The following CBLIF variants were observed in gnomAD, a reference collection of about 807,000 sequenced individuals.
CBLIF encodes the protein cobalamin binding intrinsic factor, also known as gastric intrinsic factor (vitamin B synthesis).
A neutral mutation model predicts 44.9 loss-of-function variants in CBLIF; 24 were observed. The observed-to-expected ratio is 0.53, with a 90% confidence interval of 0.39 to 0.75. CBLIF has a LOEUF of 0.75. Ranked by LOEUF, CBLIF falls within the 30% of genes least tolerant of loss-of-function variation. The pLI is 0.00. For synonymous variants in CBLIF, 183 were observed against 190.9 expected (o/e 0.96, Z 0.34); for missense variants, 481 against 513.0 (o/e 0.94, Z 0.60).
Position 59,841,172 on chromosome 11 carries a change from C to T in CBLIF, c.664G>A (p.Asp222Asn), listed in dbSNP as rs1866522261. 2 of 1,613,692 alleles carry T rather than the reference C, an allele frequency of 1.2e-6. No homozygotes were observed. The highest frequency in any genetic ancestry group is 2.7e-5 in the African/African-American group (2 of 74,930). Reference sequence around the variant, plus strand: ...ATGGCGAGGCCAGTACTGTAGATGTCTCCAATGATGCCATTATCTTTGATC... The same window carrying T: ...ATGGCGAGGCCAGTACTGTAGATGTTTCCAATGATGCCATTATCTTTGATC... ...MKIKDNGIIG[D>N]IYSTGLAMQA... The change falls in exon 5 of 9, where the codon GAC becomes AAC. Residue 222 changes from aspartate (D) to asparagine (N), a missense_variant. Transcript: ENST00000257248.
chr11:59,836,024 G>A lies in CBLIF; in HGVS notation c.872-15C>T. 6.2e-7 allele frequency: 1 copy of A among 1,607,496 alleles called. No homozygotes were observed. Among genetic ancestry groups the A allele is most frequent in the Admixed American group, 1.7e-5 (1 of 60,024 alleles). On this transcript the variant is annotated splice_polypyrimidine_tract_variant and intron_variant, in intron 6 of 8. Coordinates refer to ENST00000257248, the MANE Select transcript of CBLIF (RefSeq NM_005142.3). ...TACCTCATGATCTGTGAAGGGCAAA[G>A]AGGCCACATTTGTCAAAGATTATGG...
rs531135068 is a variant in CBLIF at position 59,830,383 on chromosome 11, C to T, written c.1193-838G>A. 5.3e-5 allele frequency among the ~76,000 whole-genome samples: 8 copies of T among 151,934 alleles called. No homozygotes were observed. In the South Asian group the frequency reaches 1.7e-3, roughly 31 times the overall value. On this transcript the variant is annotated intron_variant, in intron 8 of 8. Coordinates refer to ENST00000257248, the MANE Select transcript of CBLIF (RefSeq NM_005142.3). ...TCCCGAGTAGCTGGGACTACAGGCA[C>T]CCGCCACCACGCCTGACTAATTTTT...
At position 59,845,434 on chromosome 11, in the gene CBLIF, T is replaced by A. The variant is rs761457938; in HGVS notation, c.20A>T (p.Tyr7Phe). ...TGTAGCCCAGAGAAGGCTCAGGAGG[T>A]AGAGGGCAAACCAGGCCATCTCACT... The part of the protein sequence containing the change: MAWFAL[Y>F]LLSLLWATAG... Residue 7 changes from tyrosine to phenylalanine, a missense_variant, in exon 1 of 9, where the codon TAC becomes TTC. Transcript: ENST00000257248. 1.2e-5 allele frequency: 19 copies of A among 1,611,356 alleles called. No homozygotes were observed. In the African/African-American group the frequency reaches 1.2e-4, roughly 10 times the overall value.
chr11:59,831,493 A>ATG (rs1399776017), intron 8 of CBLIF, 185 bp downstream of exon 8: 2 of 292,392 alleles, frequency 6.8e-6, no homozygotes, highest in East Asian at 1.4e-4. Context: ...ATATATATAT[A>ATG]TATATACACA....
chr11:59,831,571 CATA>C, intron 8 of CBLIF, 104 bp downstream of exon 8: 1 of 697,406 alleles, frequency 1.4e-6, no homozygotes, highest in Non-Finnish European at 2.6e-6. Context: ...CACATGATCT[CATA>C]ATTATTAATT....
chr11:59,829,608 A>G (rs1866342519), intron 8 of CBLIF, 63 bp from the exon 9 acceptor site: 12 of 967,020 alleles, frequency 1.2e-5, no homozygotes, highest in Non-Finnish European at 1.7e-5. Flanking sequence ...CCATCCCCCA[A>G]GGGATGCAGT....
chr11:59,843,086 T>C lies in CBLIF; in HGVS notation c.312A>G (p.Arg104=), dbSNP rs1162170282. The C allele has an allele frequency of 1.2e-6, 2 of 1,613,884 alleles. No individual in the cohort carries two copies. Among genetic ancestry groups the C allele is most frequent in the African/African-American group, 2.7e-5 (2 of 74,910 alleles). Reference sequence around the variant, plus strand: ...GAATGGATACTTTATCCCCAGGGTCTCGGCAGGAGGAGGTGAGGGCCATGA... The same window carrying C: ...GAATGGATACTTTATCCCCAGGGTCCCGGCAGGAGGAGGTGAGGGCCATGA... ...LTIMALTSSC[R]DPGDKVSILQ... The change falls in exon 3 of 9, where the codon CGA becomes CGG. Residue 104 remains arginine (R), a synonymous_variant. Coordinates refer to ENST00000257248, the MANE Select transcript of CBLIF (RefSeq NM_005142.3).
intron 4 of CBLIF, among the ~76,000 whole-genome samples, chr11:59,841,872 A>AG (rs1254483117): frequency 6.6e-6 from 1 of 152,140 alleles, no homozygotes; most frequent in Non-Finnish European, 1.5e-5. Context: ...TATCCATAGA[A>AG]GGGGACAGAA....
intron 7 of CBLIF, among the ~76,000 whole-genome samples, chr11:59,834,294 T>TTC (rs1565207487): frequency 1.4e-5 from 2 of 142,244 alleles, no homozygotes; most frequent in Non-Finnish European, 3.0e-5. Flanking sequence ...CTTTCTTTCT[T>TTC]TCTTTCTTTC....
At position 59,845,005 on chromosome 11, in the gene CBLIF, G is replaced by A. The variant is rs112985455; in HGVS notation, c.79+370C>T. Reference sequence around the variant, plus strand: ...TGGGACCACAGGTGCATGCCACTGCGCCCAGCTAATTTTTTATTTTTATTT... The same window carrying A: ...TGGGACCACAGGTGCATGCCACTGCACCCAGCTAATTTTTTATTTTTATTT... On this transcript the variant is annotated intron_variant, in intron 1 of 8. Coordinates refer to ENST00000257248, the MANE Select transcript of CBLIF (RefSeq NM_005142.3). 5.8e-3 allele frequency among the ~76,000 whole-genome samples: 888 copies of A among 152,058 alleles called. 8 individuals carry two copies. Among genetic ancestry groups the A allele is most frequent in the African/African-American group, 0.019 (777 of 41,456 alleles).
chr11:59,840,382 G>T (rs1326313137), intron 5 of CBLIF, among the ~76,000 whole-genome samples: 1 of 152,142 alleles, frequency 6.6e-6, no homozygotes, highest in Non-Finnish European at 1.5e-5. Flanking sequence ...TCTTAGTTGG[G>T]ATTAGAGGAT....
chr11:59,844,238 A>G (rs1222140653), intron 1 of CBLIF, among the ~76,000 whole-genome samples, 183 bp from the exon 2 acceptor site: 1 of 152,118 alleles, frequency 6.6e-6, no homozygotes, highest in Non-Finnish European at 1.5e-5. Context: ...CCCAGGTTCA[A>G]GTGATTCTCC....
Position 59,829,441 on chromosome 11 carries a change from C to G in CBLIF, c.*43G>C. 7.8e-7 allele frequency: 1 copy of G among 1,275,184 alleles called. No homozygotes were observed. The highest frequency in any genetic ancestry group is 1.2e-5 in the South Asian group (1 of 84,332). 79.0% of individuals were successfully genotyped at this position (1,275,184 alleles called of 1,614,324 possible). On this transcript the variant is annotated 3_prime_UTR_variant, in exon 9 of 9. Transcript: ENST00000257248. ...AAAATGAAGTGGAAAAAATTTCACC[C>G]ATCCTTTGGAGATGTTTGATAGAAG...
At chr11:59,834,338 T>TTCTTTC (rs1555012197) in intron 7 of CBLIF, among the ~76,000 whole-genome samples, 2 of 143,320 alleles carry the variant, frequency 1.4e-5, no homozygotes, top group African/African-American at 5.2e-5. Context: ...CTTCCTTCCT[T>TTCTTTC]TTTCTTTCTT....
chr11:59,843,255 A>G (rs1039571662), intron 2 of CBLIF, 114 bp from the exon 3 acceptor site: 3 of 711,474 alleles, frequency 4.2e-6, no homozygotes, highest in Non-Finnish European at 5.2e-6. Flanking sequence ...TTTTAATAAT[A>G]TGAGCAGTTC....
At chr11:59,834,395 G>T (rs1241559901) in intron 7 of CBLIF, among the ~76,000 whole-genome samples, 247 of 51,788 alleles carry the variant, frequency 4.8e-3, no homozygotes, top group Non-Finnish European at 6.3e-3. Flanking sequence ...CCTTTTTTTT[G>T]TTTTTTTTTT....
At chr11:59,839,699 A>G (rs1866498647) in intron 5 of CBLIF, among the ~76,000 whole-genome samples, 1 of 152,200 alleles carries the variant, frequency 6.6e-6, no homozygotes, top group African/African-American at 2.4e-5. Context: ...AGAAATCCAC[A>G]TGGCCTGTGG....
chr11:59,842,860 G>A, intron 3 of CBLIF, 168 bp downstream of exon 3: 1 of 667,066 alleles, frequency 1.5e-6, no homozygotes, highest in East Asian at 2.7e-5. Context: ...ATTTTGGATT[G>A]GAAATGAATC....
chr11:59,838,941 C>T lies in CBLIF; in HGVS notation c.694-1590G>A, dbSNP rs1171869465. Among the ~76,000 whole-genome samples the T allele has an allele frequency of 4.6e-5, 7 of 151,102 alleles. No individual in the cohort carries two copies. The East Asian group carries it at 7.8e-4, about 17-fold the overall frequency. On this transcript the variant is annotated intron_variant, in intron 5 of 8. Coordinates refer to ENST00000257248, the MANE Select transcript of CBLIF (RefSeq NM_005142.3). The stretch of plus-strand genomic sequence containing the variant: ...TTGGCTCACTGCAACCTCCGTCTCC[C>T]GGGTTCAAGTGATTCTCCTGCCTCA...
Sources: gnomAD v4.1 joint callset for allele counts (sites outside exome capture counted in the v4.1 genomes callset) on GRCh38, gnomAD v4.1.1 for gene constraint, MANE v1.5 for transcripts, NCBI Gene and HGNC (gene_info 2026-07-23, HGNC 2026-07-21) for gene names.